Variants in AVEN observed in about 807,000 individuals in gnomAD.
AVEN encodes apoptosis and caspase activation inhibitor, also known as cell death regulator Aven.
In AVEN, 41 loss-of-function variants were observed where a neutral mutation model predicts 38.1. The observed-to-expected ratio is 1.08, with a 90% CI of 0.84 to 1.40. AVEN has a LOEUF of 1.40. Among genes scored for constraint, AVEN ranks in the 40% most tolerant of loss-of-function variants. The probability of loss-of-function intolerance (pLI) is 0.00; values close to 1 mark genes in which losing one functional copy is unlikely to be tolerated. For synonymous variants in AVEN, 206 were observed against 171.8 expected (o/e 1.20, Z -1.56); for missense variants, 605 against 438.8 (o/e 1.38, Z -3.38).
At chr15:34,035,476 G>A (rs11857881) in intron 1 of AVEN, among the ~76,000 whole-genome samples, 22,401 of 152,086 alleles carry the variant, frequency 0.15, 2,352 homozygotes, top group African/African-American at 0.29. Flanking sequence ...GTTTAGAGCA[G>A]CAGTCGAAAG....
At chr15:33,969,805 A>G (rs965558375) in intron 2 of AVEN, among the ~76,000 whole-genome samples, 1 of 152,058 alleles carries the variant, frequency 6.6e-6, no homozygotes, top group African/African-American at 2.4e-5. Flanking sequence ...GTACCTTAAA[A>G]CCTCAAAAGC....
chr15:34,002,882 G>T, intron 2 of AVEN, 150 bp downstream of exon 2: 3 of 708,590 alleles, frequency 4.2e-6, no homozygotes, highest in Non-Finnish European at 6.6e-6. Context: ...TCCCTTACAA[G>T]CCATTAGAAA....
intron 2 of AVEN, among the ~76,000 whole-genome samples, chr15:33,911,901 A>G (rs186469139): frequency 6.6e-5 from 10 of 152,290 alleles, no homozygotes; most frequent in Non-Finnish European, 1.2e-4. Context: ...GAGAAAGAAG[A>G]AGGTATGAAC....
chr15:33,863,783 A>G (rs1889404891), downstream of AVEN, among the ~76,000 whole-genome samples: 1 of 152,190 alleles, frequency 6.6e-6, no homozygotes, highest in Non-Finnish European at 1.5e-5. Context: ...GAGATGATAA[A>G]TGGCCTGTTA....
chr15:33,870,554 T>C (rs1301317597), intron 4 of AVEN, among the ~76,000 whole-genome samples: 1 of 152,194 alleles, frequency 6.6e-6, no homozygotes, highest in African/African-American at 2.4e-5. Context: ...TGTGACTATT[T>C]GATTAATATT....
At chr15:34,005,298 C>T (rs887921960) in intron 1 of AVEN, among the ~76,000 whole-genome samples, 1 of 152,170 alleles carries the variant, frequency 6.6e-6, no homozygotes, top group Admixed American at 6.5e-5. Context: ...AGTATCCAAT[C>T]CAGGACCAGG....
intron 2 of AVEN, among the ~76,000 whole-genome samples, chr15:33,975,420 T>C (rs1041279047): frequency 4.6e-5 from 7 of 152,196 alleles, no homozygotes; most frequent in South Asian, 2.1e-4. Flanking sequence ...TGCCTAAACA[T>C]TGATCAAGCA....
At chr15:34,054,023 T>C (rs1436878721) in intron 5 of AVEN, among the ~76,000 whole-genome samples, 1 of 151,976 alleles carries the variant, frequency 6.6e-6, no homozygotes, top group Non-Finnish European at 1.5e-5. Context: ...AGAACCTGTA[T>C]GAACAAACAC....
chr15:33,995,778 G>A (rs912680380), intron 2 of AVEN, among the ~76,000 whole-genome samples: 1 of 152,212 alleles, frequency 6.6e-6, no homozygotes, highest in African/African-American at 2.4e-5. Context: ...GCAGAAGACA[G>A]TGATTTCTGC....
chr15:34,055,243 A>T (rs1900091025), intron 5 of AVEN, among the ~76,000 whole-genome samples: 1 of 151,712 alleles, frequency 6.6e-6, no homozygotes, highest in Non-Finnish European at 1.5e-5. Flanking sequence ...TCGCACCTGT[A>T]ATCCCAGCAT....
In AVEN at chr15:33,866,506, C is replaced by A; in HGVS notation, c.*107G>T. 2 of 758,404 alleles carry A rather than the reference C, an allele frequency of 2.6e-6. No individual in the cohort carries two copies. Among genetic ancestry groups the A allele is most frequent in the Non-Finnish European group, 4.5e-6 (2 of 448,038 alleles). The allele number at this position is 758,404 out of a possible 1,614,324, so 47.0% of individuals were successfully genotyped here. A position where few individuals can be genotyped will look rare whatever the true frequency, so the allele number is the denominator to read the frequency against. ...ACTGCTGTGAGCATAATGGAACACACTAGCTTGAGACATGCTTGTAAACTG... is the reference window on the plus strand; with the variant it reads ...ACTGCTGTGAGCATAATGGAACACAATAGCTTGAGACATGCTTGTAAACTG... On this transcript the variant is annotated 3_prime_UTR_variant, in exon 6 of 6. Transcript: ENST00000306730.
chr15:34,041,514 T>C (rs1259089566), upstream of AVEN, among the ~76,000 whole-genome samples: 1 of 152,186 alleles, frequency 6.6e-6, no homozygotes, highest in Non-Finnish European at 1.5e-5. Flanking sequence ...TCCAAAATTA[T>C]GAGGTTGAAA....
chr15:33,893,601 G>A (rs1458610471), intron 2 of AVEN, among the ~76,000 whole-genome samples: 1 of 152,154 alleles, frequency 6.6e-6, no homozygotes, highest in Non-Finnish European at 1.5e-5. Context: ...ACTATTGTTT[G>A]CAATGCATAA....
At chr15:33,875,811 CTG>C (rs1891199585) in intron 3 of AVEN, 112 bp downstream of exon 3, 22 of 1,024,224 alleles carry the variant, frequency 2.1e-5, no homozygotes, top group Non-Finnish European at 2.9e-5. Context: ...TGAGGGTACA[CTG>C]TAAGAATTAC....
intron 2 of AVEN, among the ~76,000 whole-genome samples, chr15:33,979,471 C>T (rs1429291132): frequency 6.6e-6 from 1 of 152,162 alleles, no homozygotes; most frequent in Non-Finnish European, 1.5e-5. Flanking sequence ...GGCAACAAAG[C>T]AAGACCCTGT....
At chr15:34,044,277 A>G (rs1899600781) in intron 5 of AVEN, among the ~76,000 whole-genome samples, 1 of 152,124 alleles carries the variant, frequency 6.6e-6, no homozygotes, top group African/African-American at 2.4e-5. Flanking sequence ...CACCAAAACA[A>G]CTTAGCAAGT....
chr15:33,942,101 A>G (rs1202894939), intron 2 of AVEN, among the ~76,000 whole-genome samples: 1 of 152,240 alleles, frequency 6.6e-6, no homozygotes, highest in Non-Finnish European at 1.5e-5. Context: ...TCAAATCTCA[A>G]TGAAAATCAC....
At chr15:33,981,925 A>G (rs1896167422) in intron 2 of AVEN, among the ~76,000 whole-genome samples, 1 of 152,034 alleles carries the variant, frequency 6.6e-6, no homozygotes, top group South Asian at 2.1e-4. Flanking sequence ...ACCTCAGCTC[A>G]CTGCAACCTC....
downstream of AVEN, among the ~76,000 whole-genome samples, chr15:33,864,359 C>G (rs1204500083): frequency 6.6e-6 from 1 of 151,736 alleles, no homozygotes; most frequent in Non-Finnish European, 1.5e-5. Flanking sequence ...CCTGTTTATC[C>G]TTCCCAACAA....
Sources: allele counts gnomAD v4.1 joint callset (sites outside exome capture counted in the v4.1 genomes callset), GRCh38; gene constraint gnomAD v4.1.1; transcripts MANE v1.5; gene names NCBI Gene and HGNC (gene_info 2026-07-23, HGNC 2026-07-21).